NEK1: variants seen among roughly 807,000 people sequenced by gnomAD.
NEK1 encodes serine/threonine-protein kinase Nek1.
NEK1 carries 137 observed loss-of-function variants against 182.1 expected under a neutral mutation model. That is an observed-to-expected ratio of 0.75 (90% CI 0.65 to 0.87). The LOEUF (loss-of-function observed/expected upper bound fraction) is 0.87. Ranked by LOEUF, NEK1 falls within the 40% of genes least tolerant of loss-of-function variation. The pLI is 0.00. For synonymous variants in NEK1, 513 were observed against 492.2 expected (o/e 1.04, Z -0.56); for missense variants, 1,391 against 1,494.4 (o/e 0.93, Z 1.14).
intron 31 of NEK1, among the ~76,000 whole-genome samples, chr4:169,411,850 C>G (rs1175297287): frequency 6.6e-6 from 1 of 152,098 alleles, no homozygotes; most frequent in African/African-American, 2.4e-5. Context: ...CTATGTTGGC[C>G]TACAGACCAT....
chr4:169,593,551 T>C (rs979875415), intron 5 of NEK1, among the ~76,000 whole-genome samples: 1 of 152,160 alleles, frequency 6.6e-6, no homozygotes. Flanking sequence ...TGATGGAATA[T>C]GTAAGCAAAG....
intron 12 of NEK1, among the ~76,000 whole-genome samples, chr4:169,566,921 T>C (rs1338863114): frequency 1.3e-5 from 2 of 152,012 alleles, no homozygotes; most frequent in African/African-American, 4.8e-5. Context: ...TTGAACAACA[T>C]GGCAAGACCC....
chr4:169,404,754 GGTTCTTTTTGTTTTTTTAT>G (rs1396075133), intron 32 of NEK1, among the ~76,000 whole-genome samples: 120 of 149,692 alleles, frequency 8.0e-4, no homozygotes, highest in African/African-American at 2.7e-3. Flanking sequence ...GGTAAAGGAA[GGTTCTTTTTGTTTTTTTAT>G]GGAAAAAAAT....
chr4:169,604,084 T>A (rs907089223), intron 2 of NEK1, among the ~76,000 whole-genome samples: 1 of 152,200 alleles, frequency 6.6e-6, no homozygotes, highest in Non-Finnish European at 1.5e-5. Context: ...TGGTCTTTAA[T>A]TTGTAAAAAC....
intron 29 of NEK1, among the ~76,000 whole-genome samples, chr4:169,427,126 A>G (rs1298377348): frequency 1.3e-5 from 2 of 151,916 alleles, no homozygotes; most frequent in African/African-American, 4.8e-5. Flanking sequence ...TTTATCTTTT[A>G]AATTTATTTA....
chr4:169,479,346 A>T, intron 24 of NEK1, 57 bp downstream of exon 24: 12 of 1,527,450 alleles, frequency 7.9e-6, no homozygotes, highest in Non-Finnish European at 9.8e-6. Context: ...CATTAAATTT[A>T]ATTTCCTTTT....
At chr4:169,423,542 A>G (rs994182277) in intron 31 of NEK1, among the ~76,000 whole-genome samples, 1 of 152,248 alleles carries the variant, frequency 6.6e-6, no homozygotes, top group African/African-American at 2.4e-5. Flanking sequence ...AACATTACTC[A>G]TTTGATAAAT....
At chr4:169,495,283 G>A (rs888441292) in intron 23 of NEK1, among the ~76,000 whole-genome samples, 71 of 129,590 alleles carry the variant, frequency 5.5e-4, no homozygotes, top group Middle Eastern at 0.011. Context: ...TCGCTCTGTC[G>A]CCCAGGCTGG....
intron 19 of NEK1, among the ~76,000 whole-genome samples, chr4:169,513,824 A>G (rs866377619): frequency 6.6e-6 from 1 of 152,026 alleles, no homozygotes; most frequent in East Asian, 1.9e-4. Flanking sequence ...CAATTGATGT[A>G]ATCATATGAA....
chr4:169,505,618 C>G (rs1580306414), intron 23 of NEK1, among the ~76,000 whole-genome samples: 1 of 152,192 alleles, frequency 6.6e-6, no homozygotes, highest in African/African-American at 2.4e-5. Flanking sequence ...GCCCCAACCC[C>G]CATGTTGTTC....
At chr4:169,521,106 C>G (rs1755919842) in intron 19 of NEK1, among the ~76,000 whole-genome samples, 1 of 80,070 alleles carries the variant, frequency 1.2e-5, no homozygotes, top group East Asian at 3.1e-4. Flanking sequence ...CTCCCCCAGC[C>G]TCGTTGCCGC....
At chr4:169,488,133 C>T (rs972254859) in intron 23 of NEK1, among the ~76,000 whole-genome samples, 2 of 152,112 alleles carry the variant, frequency 1.3e-5, no homozygotes, top group Non-Finnish European at 2.9e-5. Flanking sequence ...TGTCTGTTCA[C>T]TCTGATGACA....
chr4:169,536,633 T>C (rs1019630291), intron 19 of NEK1, among the ~76,000 whole-genome samples: 23 of 150,708 alleles, frequency 1.5e-4, no homozygotes, highest in Non-Finnish European at 3.0e-5. Flanking sequence ...AAAGTTCCTC[T>C]AAAAAAAAAT....
chr4:169,437,164 A>C (rs1157057368), intron 28 of NEK1, among the ~76,000 whole-genome samples: 1 of 152,180 alleles, frequency 6.6e-6, no homozygotes, highest in Non-Finnish European at 1.5e-5. Flanking sequence ...TGTTTTCGAA[A>C]AGGTGTCCCA....
chr4:169,567,677 A>C (rs1763937870), intron 12 of NEK1, among the ~76,000 whole-genome samples: 1 of 152,242 alleles, frequency 6.6e-6, no homozygotes, highest in Non-Finnish European at 1.5e-5. Context: ...TACAGGCATG[A>C]GGCACTGCAC....
At chr4:169,467,657 T>G (rs922093092) in intron 26 of NEK1, among the ~76,000 whole-genome samples, 3 of 152,172 alleles carry the variant, frequency 2.0e-5, no homozygotes, top group African/African-American at 7.2e-5. Context: ...AATGGGTTTA[T>G]TAGACTGTAA....
At position 169,477,476 on chromosome 4, in the gene NEK1, G is replaced by A. The variant is rs201726561; in HGVS notation, c.2161C>T (p.Arg721Trp). 1.1e-4 allele frequency: 170 copies of A among 1,606,950 alleles called. No homozygotes were observed. The East Asian group carries it at 2.2e-3, about 21-fold the overall frequency. The change falls in exon 25 of 36, where the codon CGG becomes TGG. Residue 721 changes from arginine (R) to tryptophan (W), a missense_variant. By Grantham distance (101) the Arg-to-Trp change is moderately radical (BLOSUM62 -3). Around this residue, in one of 5 missense-constraint regions of NEK1, gnomAD observed 1,216 missense variants for 1,277.6 expected, o/e 0.95. Transcript: ENST00000507142. Reference protein sequence around the residue: ...VGVDSSLTDTRETSEEMQKTN... With the variant: ...VGVDSSLTDTWETSEEMQKTN... ...TTTTGCATCTCTTCTGAAGTTTCCC[G>A]GGTATCAGTTAAACTACTGTCCTTT...
chr4:169,539,906 T>C (rs753302857), intron 18 of NEK1, among the ~76,000 whole-genome samples: 2 of 152,128 alleles, frequency 1.3e-5, no homozygotes, highest in Non-Finnish European at 2.9e-5. Context: ...GTCCAGTGAT[T>C]GTTAGCCTGA....
At chr4:169,582,335 A>C (rs1766788851) in intron 10 of NEK1, among the ~76,000 whole-genome samples, 1 of 152,186 alleles carries the variant, frequency 6.6e-6, no homozygotes, top group African/African-American at 2.4e-5. Context: ...ATTACCTGGA[A>C]CTTAGTAAAC....
Sources: allele counts gnomAD v4.1 joint callset (sites outside exome capture counted in the v4.1 genomes callset), GRCh38; gene constraint gnomAD v4.1.1; regional missense constraint gnomAD v4.1.1; transcripts MANE v1.5; gene names NCBI Gene and HGNC (gene_info 2026-07-23, HGNC 2026-07-21).